The following FAM149B1 variants were observed in gnomAD, a reference collection of about 807,000 sequenced individuals.
FAM149B1 encodes family with sequence similarity 149 member B1, also known as primary cilium assembly protein FAM149B1.
FAM149B1 carries 56 observed loss-of-function variants against 75.3 expected under a neutral mutation model. The ratio of observed to expected loss-of-function variants is 0.74; its 90% CI spans 0.60 to 0.93. The LOEUF (loss-of-function observed/expected upper bound fraction) is 0.93, where lower values mean the gene tolerates loss of function less well. FAM149B1 is among the 40% of genes least tolerant of loss of function. FAM149B1 has a pLI of 0.00. For synonymous variants in FAM149B1, 259 were observed against 256.1 expected (o/e 1.01, Z -0.11); for missense variants, 639 against 708.4 (o/e 0.90, Z 1.11).
chr10:73,191,094 G>A (rs907680860), intron 3 of FAM149B1, among the ~76,000 whole-genome samples: 2 of 152,200 alleles, frequency 1.3e-5, no homozygotes, highest in Non-Finnish European at 2.9e-5. Context: ...AGGCTGGAGT[G>A]CAATGGCACG....
intron 5 of FAM149B1, among the ~76,000 whole-genome samples, chr10:73,196,380 G>A (rs1386665152): frequency 6.6e-6 from 1 of 151,814 alleles, no homozygotes; most frequent in Non-Finnish European, 1.5e-5. Context: ...GGAGTGCAGT[G>A]GCACAATCAG....
Position 73,240,938 on chromosome 10 carries a change from T to C in FAM149B1, c.1676-8T>C. 1.3e-6 allele frequency: 2 copies of C among 1,505,762 alleles called. No homozygotes were observed. Among genetic ancestry groups the C allele is most frequent in the Non-Finnish European group, 1.8e-6 (2 of 1,109,128 alleles). The allele number at this position is 1,505,762 out of a possible 1,614,324, so 93.3% of individuals were successfully genotyped here. On this transcript the variant is annotated splice_polypyrimidine_tract_variant and splice_region_variant and intron_variant, in intron 13 of 13. Coordinates refer to ENST00000242505, the MANE Select transcript of FAM149B1 (RefSeq NM_173348.2). ...TGTCTACTAATGTTACTCTATGTCA[T>C]CTGACAGGTCCTCAGTTACATGGGT...
chr10:73,234,888 T>C lies in FAM149B1; in HGVS notation c.1424T>C (p.Ile475Thr), dbSNP rs1410047241. The C allele has an allele frequency of 6.4e-7, 1 of 1,551,994 alleles. No homozygotes were observed. The highest frequency in any genetic ancestry group is 8.7e-7 in the Non-Finnish European group (1 of 1,147,042). The stretch of plus-strand genomic sequence containing the variant: ...AGTCGAAATAATCTGCTACCACCTA[T>C]TGGCACAGCTGAAGTGGAACATGTG... The part of the protein sequence containing the change: ...PLSRNNLLPP[I>T]GTAEVEHVST... Residue 475 changes from isoleucine (I) to threonine (T), a missense_variant, in exon 11 of 14, where the codon ATT (isoleucine) becomes ACT (threonine). Ile to Thr is a moderately conservative substitution (Grantham distance 89). Coordinates refer to ENST00000242505, the MANE Select transcript of FAM149B1 (RefSeq NM_173348.2).
At chr10:73,182,745 TCTGA>T (rs2042428342) in intron 3 of FAM149B1, among the ~76,000 whole-genome samples, 1 of 152,228 alleles carries the variant, frequency 6.6e-6, no homozygotes, top group Admixed American at 6.5e-5. Context: ...CTTTGAGTCT[TCTGA>T]CTAAGGCCTC....
At chr10:73,214,996 T>C (rs2043264327) in intron 7 of FAM149B1, among the ~76,000 whole-genome samples, 1 of 152,020 alleles carries the variant, frequency 6.6e-6, no homozygotes. Flanking sequence ...GTTTTTGTTG[T>C]TGTTGTTGTT....
chr10:73,235,521 A>G (rs1233164782), intron 12 of FAM149B1: 3 of 1,216,662 alleles, frequency 2.5e-6, no homozygotes, highest in Non-Finnish European at 3.3e-6. Context: ...CCTTATACAG[A>G]AATCACAAAT....
At chr10:73,200,866 T>C (rs888654478) in intron 5 of FAM149B1, 30 of 511,344 alleles carry the variant, frequency 5.9e-5, no homozygotes, top group African/African-American at 5.3e-4. Flanking sequence ...CAAGGTGGAC[T>C]GGCTGACTGA....
At chr10:73,209,915 A>G (rs1398208362) in intron 6 of FAM149B1, among the ~76,000 whole-genome samples, 3 of 150,518 alleles carry the variant, frequency 2.0e-5, no homozygotes, top group African/African-American at 7.3e-5. Flanking sequence ...TTCCCATTGT[A>G]TTTCCTGCTG....
chr10:73,234,134 A>T (rs1046829045), intron 10 of FAM149B1: 3 of 152,272 alleles, frequency 2.0e-5, no homozygotes, highest in African/African-American at 7.2e-5. Context: ...GTATGAGATA[A>T]TAAGGCCACA....
At chr10:73,212,075 C>T (rs1043888990) in intron 7 of FAM149B1, among the ~76,000 whole-genome samples, 2 of 152,118 alleles carry the variant, frequency 1.3e-5, no homozygotes, top group Admixed American at 6.6e-5. Flanking sequence ...TGAGTTATTT[C>T]GCTAGGATAA....
intron 9 of FAM149B1, among the ~76,000 whole-genome samples, chr10:73,232,132 G>A (rs543454484): frequency 4.6e-5 from 7 of 152,160 alleles, no homozygotes; most frequent in African/African-American, 7.2e-5. Flanking sequence ...GCTTAGCTGC[G>A]TTATTCTTTC....
intron 11 of FAM149B1, 36 bp downstream of exon 11, chr10:73,234,976 C>G: frequency 6.5e-7 from 1 of 1,548,122 alleles, no homozygotes; most frequent in Non-Finnish European, 8.7e-7. Flanking sequence ...CATGTACTTA[C>G]CATACAACCT....
intron 3 of FAM149B1, chr10:73,183,355 T>C (rs1266696728): frequency 6.6e-6 from 1 of 152,126 alleles, no homozygotes; most frequent in African/African-American, 2.4e-5. Flanking sequence ...TGACTATAAG[T>C]GGAATTATAC....
In FAM149B1 at chr10:73,197,220, C is replaced by G. The variant is rs551729641; in HGVS notation, c.542+3627C>G. ...GTTTCACCATGTTGCCCAGGCTGGTCTTGAACTCCTGGGCTCAAGTGATTT... is the reference window on the plus strand; with the variant it reads ...GTTTCACCATGTTGCCCAGGCTGGTGTTGAACTCCTGGGCTCAAGTGATTT... On this transcript the variant is annotated intron_variant, in intron 5 of 13. Transcript: ENST00000242505. Among the ~76,000 whole-genome samples, 20 of 152,246 alleles carry G rather than the reference C, an allele frequency of 1.3e-4. 1 individual carries two copies. Among genetic ancestry groups the G allele is most frequent in the Middle Eastern group, 3.4e-3 (1 of 294 alleles).
intron 5 of FAM149B1, among the ~76,000 whole-genome samples, chr10:73,195,023 A>C (rs2042770585): frequency 6.6e-6 from 1 of 152,224 alleles, no homozygotes; most frequent in Admixed American, 6.5e-5. Flanking sequence ...TGAACACCTC[A>C]GACTTTTTAA....
At position 73,168,308 on chromosome 10, in the gene FAM149B1, TGAGGAGGAGGAGGAG is replaced by T. The variant is rs762316170; in HGVS notation, c.-14_1del. On this transcript the variant is annotated 5_prime_UTR_variant, in exon 1 of 14. Transcript: ENST00000242505. ...CTGGCGTGCCTGCCCCGGCCGCGGC[TGAGGAGGAGGAGGAG>T]GAGGAGGAGGAGGAGGATGATCTCC... 1.0e-4 allele frequency: 156 copies of T among 1,532,910 alleles called. No homozygotes were observed. The African/African-American group carries it at 1.1e-3, about 11-fold the overall frequency. 95.0% of individuals were successfully genotyped at this position (1,532,910 alleles called of 1,614,324 possible).
At chr10:73,217,206 TTTGA>T (rs1345751376) in intron 7 of FAM149B1, among the ~76,000 whole-genome samples, 1 of 152,228 alleles carries the variant, frequency 6.6e-6, no homozygotes, top group Non-Finnish European at 1.5e-5. Flanking sequence ...TGATGGCCAG[TTTGA>T]TTCTTTTCAG....
At position 73,233,129 on chromosome 10, in the gene FAM149B1, A is replaced by G; in HGVS notation, c.1318A>G (p.Arg440Gly). The stretch of plus-strand genomic sequence containing the variant: ...GAGCCATTCATGTGCTGAAACACCA[A>G]GATCTGTGGAAGAAATCCTCAGAGG... ...STSHSCAETP[R>G]SVEEILRGAR... The change falls in exon 10 of 14, where the codon AGA becomes GGA. Residue 440 changes from arginine (R) to glycine (G), a missense_variant. By Grantham distance (125) the Arg-to-Gly change is moderately radical. Transcript: ENST00000242505. 1 of 1,551,780 alleles carries G rather than the reference A, an allele frequency of 6.4e-7. No homozygotes were observed. Among genetic ancestry groups the G allele is most frequent in the Non-Finnish European group, 8.7e-7 (1 of 1,146,998 alleles).
chr10:73,177,017 C>G (rs1172438489), intron 2 of FAM149B1, among the ~76,000 whole-genome samples: 1 of 151,458 alleles, frequency 6.6e-6, no homozygotes, highest in Non-Finnish European at 1.5e-5. Context: ...CAGAGCGAGA[C>G]TCCATCTCAA....
Sources: gnomAD v4.1 joint callset for allele counts (sites outside exome capture counted in the v4.1 genomes callset) on GRCh38, gnomAD v4.1.1 for gene constraint, MANE v1.5 for transcripts, NCBI Gene and HGNC (gene_info 2026-07-23, HGNC 2026-07-21) for gene names.